The following AGAP3 variants were observed in gnomAD, a reference collection of about 807,000 sequenced individuals.
AGAP3 encodes arf-GAP with GTPase, ANK repeat and PH domain-containing protein 3.
In AGAP3, 24 loss-of-function variants were observed where a neutral mutation model predicts 96.9. That is an observed-to-expected ratio of 0.25 (90% CI 0.18 to 0.35). The LOEUF (loss-of-function observed/expected upper bound fraction) is 0.35. Among genes scored for constraint, AGAP3 ranks in the 10% least tolerant of loss-of-function variants. AGAP3 has a pLI of 1.00. For missense variants in AGAP3, 876 were observed against 1,254.2 expected, an observed-to-expected ratio of 0.70 and a Z score of 4.55; for synonymous variants, 563 against 536.1, an observed-to-expected ratio of 1.05 and a Z score of -0.69.
At chr7:151,119,139 CTG>C (rs1299962876) in intron 7 of AGAP3, 1 of 180,634 alleles carries the variant, frequency 5.5e-6, no homozygotes, top group Non-Finnish European at 1.2e-5. Context: ...CTTACTGTCT[CTG>C]AGCAGCCCCG....
At chr7:151,115,418 C>T in intron 1 of AGAP3, 1 of 1,009,810 alleles carries the variant, frequency 9.9e-7, no homozygotes, top group Non-Finnish European at 1.2e-6. Flanking sequence ...GCGCGCGCAC[C>T]CGTAGCGACG....
At chr7:151,104,029 C>T (rs1798939035) in intron 1 of AGAP3, among the ~76,000 whole-genome samples, 1 of 152,140 alleles carries the variant, frequency 6.6e-6, no homozygotes, top group Non-Finnish European at 1.5e-5. Flanking sequence ...CTGGGTCTCT[C>T]CAATGTGAAG....
At chr7:151,130,678 T>C (rs1800368679) in intron 10 of AGAP3, among the ~76,000 whole-genome samples, 1 of 152,054 alleles carries the variant, frequency 6.6e-6, no homozygotes, top group African/African-American at 2.4e-5. Context: ...GGCATCCAGA[T>C]CCTGTCACAG....
At chr7:151,115,129 C>A in intron 1 of AGAP3, 1 of 1,039,520 alleles carries the variant, frequency 9.6e-7, no homozygotes, top group Non-Finnish European at 1.2e-6. Flanking sequence ...GAGCCGACTC[C>A]GCGGCCCCGG....
At chr7:151,087,472 C>A (rs1384236856) in intron 1 of AGAP3, among the ~76,000 whole-genome samples, 2 of 152,132 alleles carry the variant, frequency 1.3e-5, no homozygotes, top group Non-Finnish European at 2.9e-5. Context: ...ATCGGAGCCT[C>A]GCGTTAGTGG....
In AGAP3 at chr7:151,133,700, C is replaced by T. The variant is rs1338502211; in HGVS notation, c.1327-700C>T. On this transcript the variant is annotated intron_variant, in intron 10 of 17. Transcript: ENST00000397238. The surrounding 1 kb of genome is among the most constrained non-coding windows in gnomAD (Gnocchi z 5.4). ...TCATCTACAAAACAGGCACTACCTC[C>T]CTCAGGTGGTGAAGATTACGCGAGG... Among the ~76,000 whole-genome samples, 1 of 152,166 alleles carries T rather than the reference C, an allele frequency of 6.6e-6. No individual in the cohort carries two copies. The highest frequency in any genetic ancestry group is 2.4e-5 in the African/African-American group (1 of 41,434).
rs868199539 is a variant in AGAP3 at position 151,120,415 on chromosome 7, C to T, written c.1128+270C>T. 1.1e-4 allele frequency: 77 copies of T among 673,654 alleles called. No homozygotes were observed. The African/African-American group carries it at 1.2e-3, about 11-fold the overall frequency. 41.7% of individuals were successfully genotyped at this position (673,654 alleles called of 1,614,324 possible). A position where few individuals can be genotyped will look rare whatever the true frequency, so the allele number is the denominator to read the frequency against. On this transcript the variant is annotated intron_variant, in intron 8 of 17. Transcript: ENST00000397238. Reference sequence around the variant, plus strand: ...GCCCTCTGCCGCACACACTCACCCTCCCCGCCGCCTTCCTCTCTCCTAGGC... The same window carrying T: ...GCCCTCTGCCGCACACACTCACCCTTCCCGCCGCCTTCCTCTCTCCTAGGC...
Position 151,118,331 on chromosome 7 carries a change from T to C in AGAP3, c.828T>C (p.Arg276=). Residue 276 remains arginine, a synonymous_variant, in exon 6 of 18, where the codon CGT becomes CGC. Transcript: ENST00000397238. The surrounding 1 kb of genome is among the most constrained non-coding windows in gnomAD (Gnocchi z 6.1). Reference sequence around the variant, plus strand: ...CGACCTACGGGCTCAATGTGGAGCGTGTCTTCCAGGACGGTAACTCGGGTG... The same window carrying C: ...CGACCTACGGGCTCAATGTGGAGCGCGTCTTCCAGGACGGTAACTCGGGTG... ...TCATYGLNVE[R]VFQDVAQKVV... is the part of the protein sequence containing the mutation. The C allele has an allele frequency of 6.2e-7, 1 of 1,611,896 alleles. No homozygotes were observed.
rs1800834936 is a variant in AGAP3 at position 151,142,083 on chromosome 7, G to A, written c.1959+31G>A. 3 of 1,608,008 alleles carry A rather than the reference G, an allele frequency of 1.9e-6. No individual in the cohort carries two copies. The highest frequency in any genetic ancestry group is 1.1e-5 in the South Asian group (1 of 90,620). ...TACAGAGTGACTGGGCCCACACAGAGCACCTGGCTGGGGTGGGACTGAAAG... is the reference window on the plus strand; with the variant it reads ...TACAGAGTGACTGGGCCCACACAGAACACCTGGCTGGGGTGGGACTGAAAG... On this transcript the variant is annotated intron_variant, in intron 14 of 17. Coordinates refer to ENST00000397238, the MANE Select transcript of AGAP3 (RefSeq NM_031946.7). This position sits in a 1 kb window ranked among gnomAD's most constrained non-coding sequence, Gnocchi z 7.5.
chr7:151,102,739 C>T (rs1205569535), intron 1 of AGAP3, among the ~76,000 whole-genome samples: 1 of 152,086 alleles, frequency 6.6e-6, no homozygotes, highest in African/African-American at 2.4e-5. Flanking sequence ...CCTCAGCCTC[C>T]CAAGTAGCCA....
Position 151,141,394 on chromosome 7 carries a change from G to C in AGAP3, c.1805-504G>C, listed in dbSNP as rs1800805667. ...CCTGCCTGTCTATGCCATGGTAGTG[G>C]GGGAGGGGCCCAGCTCCCAGGAGCC... On this transcript the variant is annotated intron_variant, in intron 13 of 17. Transcript: ENST00000397238. This position sits in a 1 kb window ranked among gnomAD's most constrained non-coding sequence, Gnocchi z 4.2. 1 of 175,982 alleles carries C rather than the reference G, an allele frequency of 5.7e-6. No homozygotes were observed. Among genetic ancestry groups the C allele is most frequent in the South Asian group, 1.4e-4 (1 of 7,004 alleles). 10.9% of individuals were successfully genotyped at this position (175,982 alleles called of 1,614,324 possible).
intron 8 of AGAP3, chr7:151,122,736 T>C (rs1160344957): frequency 1.9e-6 from 3 of 1,613,808 alleles, no homozygotes; most frequent in Non-Finnish European, 2.5e-6. Flanking sequence ...TATGTGCCAC[T>C]GTTTCCAACT....
In AGAP3 at chr7:151,132,849, C is replaced by T. The variant is rs565392580; in HGVS notation, c.1327-1551C>T. Among the ~76,000 whole-genome samples, 30 of 152,328 alleles carry T rather than the reference C, an allele frequency of 2.0e-4. No individual in the cohort carries two copies. In the South Asian group the frequency reaches 6.0e-3, roughly 31 times the overall value. ...TTCATTATTCCTGCCAGAGGGAGCC[C>T]TGGTGAGACTTCCTGCCCTTCCACT... On this transcript the variant is annotated intron_variant, in intron 10 of 17. Coordinates refer to ENST00000397238, the MANE Select transcript of AGAP3 (RefSeq NM_031946.7).
chr7:151,134,202 C>T (rs7810706), intron 10 of AGAP3, among the ~76,000 whole-genome samples, 198 bp from the exon 11 acceptor site: 7,999 of 152,232 alleles, frequency 0.053, 411 homozygotes, highest in African/African-American at 0.13. Context: ...GCAGACTCCC[C>T]CTAGAGCTGC....
chr7:151,141,528 G>C lies in AGAP3; in HGVS notation c.1805-370G>C, dbSNP rs1014295948. 1.2e-5 allele frequency: 3 copies of C among 259,892 alleles called. No individual in the cohort carries two copies. Among genetic ancestry groups the C allele is most frequent in the African/African-American group, 6.7e-5 (3 of 45,058 alleles). The allele number at this position is 259,892 out of a possible 1,614,324, so 16.1% of individuals were successfully genotyped here. A position where few individuals can be genotyped will look rare whatever the true frequency, so the allele number is the denominator to read the frequency against. On this transcript the variant is annotated intron_variant, in intron 13 of 17. Coordinates refer to ENST00000397238, the MANE Select transcript of AGAP3 (RefSeq NM_031946.7). This position sits in a 1 kb window ranked among gnomAD's most constrained non-coding sequence, Gnocchi z 4.2. ...ACCCGCCTTCCCCCACCCTCTCCCA[G>C]TGTTTGCCTCCTAGCACCCCGTCAC... is the stretch of plus-strand genomic sequence containing the variant.
At chr7:151,122,586 T>TCTCCTCCTCCTC in intron 8 of AGAP3, 2 of 910,740 alleles carry the variant, frequency 2.2e-6, no homozygotes, top group Admixed American at 2.5e-5. Context: ...TCCTCGTCCT[T>TCTCCTCCTCCTC]CTCCTCCTCC....
At chr7:151,102,205 G>A (rs1417608436) in intron 1 of AGAP3, among the ~76,000 whole-genome samples, 3 of 152,230 alleles carry the variant, frequency 2.0e-5, no homozygotes, top group Non-Finnish European at 2.9e-5. Context: ...AGGTTTCTGC[G>A]CAGTGGCCTG....
intron 1 of AGAP3, among the ~76,000 whole-genome samples, chr7:151,087,405 G>A (rs1419992365): frequency 6.6e-6 from 1 of 152,182 alleles, no homozygotes; most frequent in Non-Finnish European, 1.5e-5. Context: ...AGGTGGGGTC[G>A]TGACCGGGGA....
chr7:151,094,893 T>C (rs537866178), intron 1 of AGAP3, among the ~76,000 whole-genome samples: 1 of 150,826 alleles, frequency 6.6e-6, no homozygotes, highest in South Asian at 2.1e-4. Flanking sequence ...CTTCCTTCCT[T>C]CCTCAGAATA....
Sources: allele counts gnomAD v4.1 joint callset (sites outside exome capture counted in the v4.1 genomes callset), GRCh38; gene constraint gnomAD v4.1.1; non-coding constraint Gnocchi (gnomAD v3.1); transcripts MANE v1.5; gene names NCBI Gene and HGNC (gene_info 2026-07-23, HGNC 2026-07-21).